Variants in DMXL2 observed in about 807,000 individuals in gnomAD.
The protein encoded by DMXL2 is Dmx like 2.
Under a neutral mutation model 331.1 loss-of-function variants are expected in DMXL2, and 103 were observed. That is an observed-to-expected ratio of 0.31 (90% confidence interval 0.27 to 0.37). The LOEUF is 0.37. DMXL2 is among the 10% of genes least tolerant of loss of function. The probability of loss-of-function intolerance (pLI) is 1.00; values close to 1 mark genes in which losing one functional copy is unlikely to be tolerated. For missense variants in DMXL2, 3,171 were observed against 3,642.9 expected, an observed-to-expected ratio of 0.87 and a Z score of 3.33; for synonymous variants, 1,281 against 1,252.1, an observed-to-expected ratio of 1.02 and a Z score of -0.49.
intron 15 of DMXL2, among the ~76,000 whole-genome samples, chr15:51,513,922 T>G (rs953606830): frequency 6.6e-6 from 1 of 152,166 alleles, no homozygotes; most frequent in African/African-American, 2.4e-5. Context: ...TGTTTGTTTT[T>G]GAAAGGGTTA....
In DMXL2 at chr15:51,567,019, G is replaced by T. The variant is rs186767011; in HGVS notation, c.285+1468C>A. 1,230 of 149,134 alleles carry T rather than the reference G, an allele frequency of 8.2e-3. 6 individuals carry two copies. Among genetic ancestry groups the T allele is most frequent in the Non-Finnish European group, 0.014 (933 of 67,464 alleles). 9.2% of individuals were successfully genotyped at this position (149,134 alleles called of 1,614,324 possible). A position where few individuals can be genotyped will look rare whatever the true frequency, so the allele number is the denominator to read the frequency against. On this transcript the variant is annotated intron_variant, in intron 3 of 43. Coordinates refer to ENST00000560891, the MANE Select transcript of DMXL2 (RefSeq NM_001378457.1). ...ACTTCTTCATTCAACCAACATTTAG[G>T]AATACCTACTATGTTCCAGATACTT...
chr15:51,513,902 A>C (rs2046893790), intron 15 of DMXL2, among the ~76,000 whole-genome samples: 1 of 152,162 alleles, frequency 6.6e-6, no homozygotes, highest in Admixed American at 6.5e-5. Context: ...GTTTAAACTA[A>C]ACGTCATATT....
chr15:51,566,231 G>T (rs200287279), intron 3 of DMXL2, among the ~76,000 whole-genome samples: 12 of 94,604 alleles, frequency 1.3e-4, no homozygotes, highest in African/African-American at 8.1e-5. Flanking sequence ...TGTGTGTGTG[G>T]GGTGTGTGTG....
chr15:51,507,355 G>A (rs777657839), intron 15 of DMXL2, 102 bp from the exon 16 acceptor site: 32 of 1,126,318 alleles, frequency 2.8e-5, no homozygotes, highest in Admixed American at 5.3e-5. Context: ...CATGGAAGTT[G>A]GGAAGAAAAG....
intron 5 of DMXL2, 114 bp from the exon 6 acceptor site, chr15:51,563,561 G>T: frequency 3.4e-6 from 2 of 589,324 alleles, no homozygotes; most frequent in Admixed American, 3.9e-5. Flanking sequence ...GAATAAGACT[G>T]TTTTTGCTTC....
At chr15:51,459,835 C>A in intron 33 of DMXL2, 175 bp from the exon 34 acceptor site, 1 of 1,171,778 alleles carries the variant, frequency 8.5e-7, no homozygotes, top group Non-Finnish European at 1.1e-6. Context: ...AAACACAACA[C>A]AAAGCCAAAA....
intron 5 of DMXL2, 137 bp downstream of exon 5, chr15:51,563,988 G>T: frequency 1.2e-6 from 1 of 833,962 alleles, no homozygotes; most frequent in Non-Finnish European, 1.8e-6. Context: ...TATGGGTTTT[G>T]GTTAGAAAAA....
chr15:51,465,667 C>G lies in DMXL2; in HGVS notation c.7521-16G>C. 1 of 1,525,240 alleles carries G rather than the reference C, an allele frequency of 6.6e-7. No individual in the cohort carries two copies. The highest frequency in any genetic ancestry group is 8.9e-7 in the Non-Finnish European group (1 of 1,123,570). The allele number at this position is 1,525,240 out of a possible 1,614,324, so 94.5% of individuals were successfully genotyped here. A position where few individuals can be genotyped will look rare whatever the true frequency, so the allele number is the denominator to read the frequency against. ...AAGAGCCCAGCTGTTCAAGGAGGGG[C>G]AAAAAGAGTCTTTAAGTGAAAAATA... On this transcript the variant is annotated splice_polypyrimidine_tract_variant and intron_variant, in intron 30 of 43. Coordinates refer to ENST00000560891, the MANE Select transcript of DMXL2 (RefSeq NM_001378457.1).
At chr15:51,456,396 A>C in intron 37 of DMXL2, 27 bp from the exon 38 acceptor site, 1 of 1,369,802 alleles carries the variant, frequency 7.3e-7, no homozygotes, top group Non-Finnish European at 1.0e-6. Flanking sequence ...TAAAAATTTT[A>C]TTTTGTGTAT....
chr15:51,602,485 C>G (rs1216505000), intron 1 of DMXL2, among the ~76,000 whole-genome samples: 2 of 152,084 alleles, frequency 1.3e-5, no homozygotes, highest in East Asian at 3.8e-4. Context: ...CAGGTACAGT[C>G]ACAGGAAGTG....
At chr15:51,609,461 G>A (rs928438167) in intron 1 of DMXL2, among the ~76,000 whole-genome samples, 5 of 152,160 alleles carry the variant, frequency 3.3e-5, no homozygotes, top group Non-Finnish European at 7.3e-5. Context: ...GGTCCCATAA[G>A]ATTATAATGC....
intron 1 of DMXL2, among the ~76,000 whole-genome samples, chr15:51,618,027 T>C (rs1287572966): frequency 6.6e-6 from 1 of 152,200 alleles, no homozygotes; most frequent in Non-Finnish European, 1.5e-5. Context: ...CCAATTTCTC[T>C]TAGAAAACAA....
chr15:51,536,824 A>G lies in DMXL2; in HGVS notation c.1656T>C (p.Ser552=). The G allele has an allele frequency of 6.2e-7, 1 of 1,612,140 alleles. No homozygotes were observed. Among genetic ancestry groups the G allele is most frequent in the Non-Finnish European group, 8.5e-7 (1 of 1,179,422 alleles). Residue 552 remains serine (S), a synonymous_variant, in exon 12 of 44, where the codon TCT becomes TCC. Transcript: ENST00000560891. The part of the protein sequence containing the change: ...FSSRIPVAFP[S]GDASSLSKNI... ...TTTTACTAAGAGAGCTTGCATCACC[A>G]GAGGGAAATGCAACAGGAATCCGAG... is the stretch of plus-strand genomic sequence containing the variant.
rs770074923 is a variant in DMXL2 at position 51,484,977 on chromosome 15, G to A, written c.5482+1096C>T. ...GAGCTTCAACAACAGACTAGATCGA[G>A]CAGAAGAAAGAATTTCTGAACTTGA... On this transcript the variant is annotated intron_variant, in intron 23 of 43. Coordinates refer to ENST00000560891, the MANE Select transcript of DMXL2 (RefSeq NM_001378457.1). Among the ~76,000 whole-genome samples, 9 of 141,406 alleles carry A rather than the reference G, an allele frequency of 6.4e-5. No homozygotes were observed. The South Asian group carries it at 1.1e-3, about 17-fold the overall frequency. 92.8% of individuals were successfully genotyped at this position (141,406 alleles called of 152,430 possible).
rs758946468 is a variant in DMXL2, at chr15:51,536,170, A to C, written c.2310T>G (p.Cys770Trp). The stretch of plus-strand genomic sequence containing the variant: ...ACAATTACAATGAACACTTACCTAG[A>C]CAGTAACTGGGAATGAGAGTTGGAA... Reference protein sequence around the residue: ...AWLPTLIPSYCLGTYCNSASA... With the variant: ...AWLPTLIPSYWLGTYCNSASA... The change falls in exon 12 of 44, where the codon TGT becomes TGG. Residue 770 changes from cysteine (C) to tryptophan (W), a missense_variant. Physicochemically the swap from Cys to Trp is radical, Grantham distance 215. Around this residue, in one of 7 missense-constraint regions of DMXL2, gnomAD observed 1,674 missense variants for 1,780.2 expected, o/e 0.94. Coordinates refer to ENST00000560891, the MANE Select transcript of DMXL2 (RefSeq NM_001378457.1). The C allele has an allele frequency of 1.3e-6, 2 of 1,578,220 alleles. No individual in the cohort carries two copies. The highest frequency in any genetic ancestry group is 1.9e-5 in the Admixed American group (1 of 53,160).
At chr15:51,598,635 A>G (rs1367579452) in intron 1 of DMXL2, among the ~76,000 whole-genome samples, 1 of 152,214 alleles carries the variant, frequency 6.6e-6, no homozygotes, top group African/African-American at 2.4e-5. Context: ...GTTATTTTAT[A>G]GAATATCTTA....
rs1271740432 is a variant in DMXL2, at chr15:51,499,609, G to T, written c.3615C>A (p.Thr1205=). 3.7e-6 allele frequency: 6 copies of T among 1,614,056 alleles called. No individual in the cohort carries two copies. The highest frequency in any genetic ancestry group is 4.2e-6 in the Non-Finnish European group (5 of 1,180,004). The stretch of plus-strand genomic sequence containing the variant: ...TGACAGCTACTCCATCCTTACTGTT[G>T]GTTTGCTCAGTCACAATTCCTGAAA... ...GRLSGIVTEQ[T]NSKDGVAVIT... is the part of the protein sequence containing the mutation. The change falls in exon 18 of 44, where the codon ACC becomes ACA. Residue 1205 remains threonine (T), a synonymous_variant. Transcript: ENST00000560891.
intron 1 of DMXL2, among the ~76,000 whole-genome samples, chr15:51,597,169 TA>T (rs1216011444): frequency 2.0e-5 from 3 of 152,152 alleles, no homozygotes; most frequent in African/African-American, 7.2e-5. Context: ...GAGGTGTACC[TA>T]AAACATCCTC....
chr15:51,553,236 C>G, intron 6 of DMXL2, among the ~76,000 whole-genome samples: 1 of 152,146 alleles, frequency 6.6e-6, no homozygotes, highest in Non-Finnish European at 1.5e-5. Flanking sequence ...CATAAGACTG[C>G]CAGCACACAC....
Sources: gnomAD v4.1 joint callset for allele counts (sites outside exome capture counted in the v4.1 genomes callset) on GRCh38, gnomAD v4.1.1 for gene constraint, gnomAD v4.1.1 regional missense constraint, MANE v1.5 for transcripts, NCBI Gene and HGNC (gene_info 2026-07-23, HGNC 2026-07-21) for gene names.